The following ZNF185 variants were observed in gnomAD, a reference collection of about 807,000 sequenced individuals.
ZNF185 encodes zinc finger protein 185.
In ZNF185, 56 loss-of-function variants were observed where a neutral mutation model predicts 58.6. The observed-to-expected ratio is 0.95, with a 90% CI of 0.77 to 1.19. The LOEUF is 1.19. Ranked by LOEUF, ZNF185 falls within the 50% of genes most tolerant of loss-of-function variation. The pLI is 0.00. For synonymous variants in ZNF185, 230 were observed against 215.9 expected, an observed-to-expected ratio of 1.07 and a Z score of -0.57; for missense variants, 627 against 573.5, an observed-to-expected ratio of 1.09 and a Z score of -0.95.
chrX:152,933,658 T>C (rs1339778398), intron 14 of ZNF185, among the ~76,000 whole-genome samples: 1 of 112,445 alleles, frequency 8.9e-6, no homozygotes, highest in Non-Finnish European at 1.9e-5. Flanking sequence ...ATAAATAGTT[T>C]AGCTCCAAAC....
At chrX:152,945,524 G>T in intron 16 of ZNF185, 60 bp downstream of exon 18, 1 of 1,107,057 alleles carries the variant, frequency 9.0e-7, no homozygotes, top group South Asian at 2.1e-5. Context: ...TGAGGTCTGC[G>T]ACCCACATGG....
chrX:152,948,189 T>C (rs1171814900), intron 16 of ZNF185, among the ~76,000 whole-genome samples: 1 of 111,542 alleles, frequency 9.0e-6, no homozygotes, highest in Non-Finnish European at 1.9e-5. Flanking sequence ...GATTTGGCTA[T>C]GTAGAACTCA....
At chrX:152,955,777 C>G (rs1335486507) in intron 16 of ZNF185, among the ~76,000 whole-genome samples, 2 of 111,166 alleles carry the variant, frequency 1.8e-5, no homozygotes, top group Admixed American at 9.5e-5. Flanking sequence ...TGGCATGCGC[C>G]TGTAATCCCA....
exon 1 of ZNF185, chrX:152,914,464 G>A (rs1556863753): frequency 1.7e-5 from 20 of 1,167,229 alleles, no homozygotes; most frequent in Non-Finnish European, 2.2e-5. Flanking sequence ...TGAATCAAGT[G>A]AGAGGAGAGC....
intron 16 of ZNF185, among the ~76,000 whole-genome samples, chrX:152,959,090 A>G (rs1316797012): frequency 1.8e-5 from 2 of 112,748 alleles, no homozygotes; most frequent in African/African-American, 6.4e-5. Context: ...AGGATCACAA[A>G]TGGGTCTAGG....
At chrX:152,956,504 C>T (rs1320552245) in intron 16 of ZNF185, among the ~76,000 whole-genome samples, 5 of 111,527 alleles carry the variant, frequency 4.5e-5, no homozygotes, top group South Asian at 3.8e-4. Context: ...TCTCGGAGGC[C>T]GAGGCAGGCG....
intron 15 of ZNF185, 33 bp downstream of exon 17, chrX:152,938,196 G>A: frequency 8.7e-7 from 1 of 1,150,928 alleles, no homozygotes; most frequent in Non-Finnish European, 1.2e-6. Context: ...TGAACTTCTG[G>A]GGTGGAGAGA....
chrX:152,972,723 T>A (rs1295350343), exon 23 of ZNF185: 2 of 111,418 alleles, frequency 1.8e-5, no homozygotes, highest in Admixed American at 1.9e-4. Flanking sequence ...ACTCGTTGGA[T>A]GGCTGGGCAG....
chrX:152,928,581 A>G (rs1260713099), exon 12 of ZNF185: 1 of 1,211,484 alleles, frequency 8.3e-7, no homozygotes, highest in Non-Finnish European at 1.1e-6. Flanking sequence ...GCAGCTCAAG[A>G]GGTGAGGAAA....
At chrX:152,952,713 A>C (rs147584078) in intron 16 of ZNF185, among the ~76,000 whole-genome samples, 1,898 of 111,525 alleles carry the variant, frequency 0.017, 35 homozygotes, top group African/African-American at 0.059. Flanking sequence ...GGTGGTGAAA[A>C]GAAGGGAAGA....
At chrX:152,937,056 CTT>C (rs1556882524) in intron 14 of ZNF185, among the ~76,000 whole-genome samples, 1 of 111,824 alleles carries the variant, frequency 8.9e-6, no homozygotes, top group Non-Finnish European at 1.9e-5. Flanking sequence ...GGCATGGCCA[CTT>C]TGCTGTGGGT....
intron 16 of ZNF185, among the ~76,000 whole-genome samples, chrX:152,958,571 C>T (rs782520795): frequency 9.1e-6 from 1 of 110,283 alleles, no homozygotes; most frequent in Non-Finnish European, 1.9e-5. Context: ...GCCTGGCCAA[C>T]AAGGTGAAGC....
the ZNF185 span, among the ~76,000 whole-genome samples, chrX:152,898,570 C>A: frequency 8.9e-6 from 1 of 112,364 alleles, no homozygotes; most frequent in African/African-American, 3.2e-5. Flanking sequence ...GAGTTGACTG[C>A]AGGCCTTTAA....
chrX:152,957,073 A>AT (rs34728203), intron 16 of ZNF185, among the ~76,000 whole-genome samples: 1,306 of 97,370 alleles, frequency 0.013, 21 homozygotes, highest in African/African-American at 0.039. Context: ...TACAAGGTTA[A>AT]TTTTTTTTTT....
chrX:152,949,943 G>A (rs781811189), intron 16 of ZNF185, among the ~76,000 whole-genome samples: 18 of 111,637 alleles, frequency 1.6e-4, no homozygotes, highest in Middle Eastern at 4.6e-3. Context: ...TCAGTGCTAA[G>A]GGTAAAACCT....
rs782232251 is a variant in ZNF185 at position 152,941,795 on chromosome X, G to T, written c.1212-3472G>T. On this transcript the variant is annotated intron_variant, in intron 15 of 22. Transcript: ENST00000449285. ...CCGCCAGAGGTCGCCCGAGGATCAC[G>T]AATGGGCCCGAGGAGCTGGCTGCCC... 2.5e-5 allele frequency: 29 copies of T among 1,162,257 alleles called. No homozygotes were observed. The South Asian group carries it at 4.0e-4, about 16-fold the overall frequency.
rs368646225 is a variant in ZNF185, at chrX:152,945,480, C to A, written c.1409+16C>A. ...GTGGCAGCAGGTAAGGGCTGAGCTGCAGTGGGCTCTGCCTCTGGAGCCCAT... is the reference window on the plus strand; with the variant it reads ...GTGGCAGCAGGTAAGGGCTGAGCTGAAGTGGGCTCTGCCTCTGGAGCCCAT... On this transcript the variant is annotated intron_variant, in intron 16 of 22. Transcript: ENST00000449285. The A allele has an allele frequency of 2.5e-6, 3 of 1,182,056 alleles. No homozygotes were observed. The African/African-American group carries it at 5.3e-5, about 21-fold the overall frequency.
chrX:152,919,468 G>C (rs1556868363), intron 7 of ZNF185, among the ~76,000 whole-genome samples: 1 of 111,450 alleles, frequency 9.0e-6, no homozygotes, highest in African/African-American at 3.3e-5. Context: ...ATGCCTTGGG[G>C]GTTCTGAATG....
chrX:152,898,268 G>GC, the ZNF185 span, among the ~76,000 whole-genome samples: 1 of 112,330 alleles, frequency 8.9e-6, no homozygotes, highest in East Asian at 2.8e-4. Context: ...ATTGGATGCG[G>GC]CCCTGCTTGG....
Sources: gnomAD v4.1 joint callset for allele counts (sites outside exome capture counted in the v4.1 genomes callset) on GRCh38, gnomAD v4.1.1 for gene constraint, MANE v1.5 for transcripts, NCBI Gene and HGNC (gene_info 2026-07-23, HGNC 2026-07-21) for gene names.